NFATC3: variants seen among roughly 807,000 people sequenced by gnomAD.
NFATC3 encodes the protein nuclear factor of activated T-cells, cytoplasmic 3.
NFATC3 carries 46 observed loss-of-function variants against 98.6 expected under a neutral mutation model. The observed-to-expected ratio is 0.47, with a 90% CI of 0.37 to 0.60. NFATC3 has a LOEUF of 0.60. NFATC3 is among the 20% of genes least tolerant of loss of function. The pLI, the probability that NFATC3 is intolerant of heterozygous loss-of-function variation, is 0.00. For missense variants in NFATC3, 1,256 were observed against 1,295.5 expected (o/e 0.97, Z 0.47); for synonymous variants, 512 against 472.2 (o/e 1.08, Z -1.09).
intron 3 of NFATC3, among the ~76,000 whole-genome samples, chr16:68,156,786 A>G (rs1189218264): frequency 2.0e-5 from 3 of 152,078 alleles, no homozygotes; most frequent in Admixed American, 1.3e-4. Context: ...TAAAAATACA[A>G]AAATTAGCCG....
chr16:68,126,380 A>G (rs908095919), intron 2 of NFATC3, 68 bp from the exon 3 acceptor site: 3 of 1,430,304 alleles, frequency 2.1e-6, no homozygotes, highest in Non-Finnish European at 2.9e-6. Flanking sequence ...GCTGGCAAAG[A>G]AGCCATTTGA....
chr16:68,135,626 C>A (rs1253793606), intron 3 of NFATC3, among the ~76,000 whole-genome samples: 3 of 151,864 alleles, frequency 2.0e-5, no homozygotes, highest in Non-Finnish European at 2.9e-5. Context: ...AAGCCGATAC[C>A]TTTTATTGAA....
chr16:68,183,052 T>C (rs1238216741), intron 7 of NFATC3, among the ~76,000 whole-genome samples, 188 bp from the exon 8 acceptor site: 1 of 152,200 alleles, frequency 6.6e-6, no homozygotes, highest in East Asian at 1.9e-4. Context: ...TTTTATTGAT[T>C]AAAAGACTTA....
chr16:68,176,612 A>G (rs2039720972), intron 6 of NFATC3, among the ~76,000 whole-genome samples: 3 of 152,202 alleles, frequency 2.0e-5, no homozygotes, highest in South Asian at 4.1e-4. Context: ...TTTTTAATCC[A>G]CTAGAGGTGA....
In NFATC3 at chr16:68,169,602, A is replaced by T. The variant is rs141448026; in HGVS notation, c.1774+2587A>T. Among the ~76,000 whole-genome samples the T allele has an allele frequency of 4.7e-3, 718 of 152,028 alleles. 8 individuals carry two copies. Among genetic ancestry groups the T allele is most frequent in the Non-Finnish European group, 4.8e-3 (323 of 67,958 alleles). The stretch of plus-strand genomic sequence containing the variant: ...GTTCATAGAGTAGTTTGAGTGTTTG[A>T]GATGAAGTTACGCTAAAATGATTCT... On this transcript the variant is annotated intron_variant, in intron 5 of 9. Transcript: ENST00000346183.
chr16:68,113,499 T>C (rs1186325187), intron 1 of NFATC3, among the ~76,000 whole-genome samples: 1 of 152,226 alleles, frequency 6.6e-6, no homozygotes, highest in Non-Finnish European at 1.5e-5. Flanking sequence ...ACGGAGCTGA[T>C]GCTGGCTGGA....
At chr16:68,128,730 C>T (rs757697407) in intron 3 of NFATC3, among the ~76,000 whole-genome samples, 8 of 152,120 alleles carry the variant, frequency 5.3e-5, no homozygotes, top group Non-Finnish European at 8.8e-5. Context: ...TTAAGGATCG[C>T]TTGAGGCCAG....
At chr16:68,166,327 A>G (rs934031495) in intron 4 of NFATC3, among the ~76,000 whole-genome samples, 3 of 152,190 alleles carry the variant, frequency 2.0e-5, no homozygotes, top group Non-Finnish European at 4.4e-5. Context: ...GAGCTCAGCT[A>G]GGGTTGAACA....
intron 4 of NFATC3, among the ~76,000 whole-genome samples, chr16:68,164,217 C>G (rs1348453249): frequency 6.6e-6 from 1 of 152,244 alleles, no homozygotes; most frequent in African/African-American, 2.4e-5. Flanking sequence ...CCGGCCAACA[C>G]AGCGAAACCC....
intron 1 of NFATC3, among the ~76,000 whole-genome samples, chr16:68,097,334 G>A (rs190534690): frequency 2.1e-4 from 32 of 152,328 alleles, no homozygotes; most frequent in Admixed American, 3.3e-4. Flanking sequence ...AATACAAAGT[G>A]CAAAGTATAA....
intron 5 of NFATC3, among the ~76,000 whole-genome samples, chr16:68,171,121 G>A (rs559111149): frequency 6.6e-6 from 1 of 151,394 alleles, no homozygotes; most frequent in African/African-American, 2.4e-5. Context: ...AATTCCCCCG[G>A]CTCAGCCTCC....
At chr16:68,151,339 G>A (rs1405623557) in intron 3 of NFATC3, among the ~76,000 whole-genome samples, 1 of 152,172 alleles carries the variant, frequency 6.6e-6, no homozygotes, top group African/African-American at 2.4e-5. Flanking sequence ...TGTGAGTGTT[G>A]CCAGGTACAA....
chr16:68,145,397 T>C (rs2037992542), intron 3 of NFATC3, among the ~76,000 whole-genome samples: 1 of 152,154 alleles, frequency 6.6e-6, no homozygotes, highest in African/African-American at 2.4e-5. Context: ...TTCATCCACT[T>C]CAGCCTTCCA....
intron 1 of NFATC3, among the ~76,000 whole-genome samples, chr16:68,111,535 C>G (rs2035946243): frequency 1.3e-5 from 2 of 152,126 alleles, no homozygotes; most frequent in Admixed American, 1.3e-4. Flanking sequence ...TTAGATGGGT[C>G]TCTTGAATAC....
At chr16:68,212,101 T>G (rs1480719228) in intron 9 of NFATC3, among the ~76,000 whole-genome samples, 1 of 152,222 alleles carries the variant, frequency 6.6e-6, no homozygotes, top group African/African-American at 2.4e-5. Flanking sequence ...TTTGGAGGAT[T>G]CAGTTGTGGA....
At chr16:68,154,092 T>C (rs1488286549) in intron 3 of NFATC3, among the ~76,000 whole-genome samples, 1 of 151,772 alleles carries the variant, frequency 6.6e-6, no homozygotes, top group African/African-American at 2.4e-5. Flanking sequence ...AGTGTGTGCG[T>C]GTGTGTGTGT....
rs144029258 is a variant in NFATC3, at chr16:68,139,063, A to G, written c.1401+12453A>G. Among the ~76,000 whole-genome samples the G allele has an allele frequency of 8.5e-3, 1,299 of 152,326 alleles. 10 individuals are homozygous for G. Among genetic ancestry groups the G allele is most frequent in the Non-Finnish European group, 0.013 (866 of 68,024 alleles). On this transcript the variant is annotated intron_variant, in intron 3 of 9. Coordinates refer to ENST00000346183, the MANE Select transcript of NFATC3 (RefSeq NM_173165.3). ...GTAGGTGCTAGGGATGCAGAGATGA[A>G]CAAGAGAGACAAAACTCCAGTCCTC...
At chr16:68,088,797 G>A (rs1171207474) in intron 1 of NFATC3, 2 of 184,220 alleles carry the variant, frequency 1.1e-5, no homozygotes, top group Non-Finnish European at 2.1e-5. Context: ...GCCTCCCAAA[G>A]TGGTGGGATT....
intron 1 of NFATC3, among the ~76,000 whole-genome samples, chr16:68,101,547 G>C (rs901206221): frequency 7.9e-5 from 12 of 151,158 alleles, no homozygotes; most frequent in Admixed American, 1.3e-4. Flanking sequence ...GCAGTGGCGC[G>C]ATCTCGGCTC....
Sources: allele counts gnomAD v4.1 joint callset (sites outside exome capture counted in the v4.1 genomes callset), GRCh38; gene constraint gnomAD v4.1.1; transcripts MANE v1.5; gene names NCBI Gene and HGNC (gene_info 2026-07-23, HGNC 2026-07-21).